Variants in TMEM131 observed in about 807,000 individuals in gnomAD.
TMEM131 encodes 2610524E03Rik.
TMEM131 carries 66 observed loss-of-function variants against 211.6 expected under a neutral mutation model. That is an observed-to-expected ratio of 0.31 (90% CI 0.26 to 0.38). TMEM131 has a LOEUF of 0.38. Ranked by LOEUF, TMEM131 falls within the 10% of genes least tolerant of loss-of-function variation. TMEM131 has a pLI of 1.00. For missense variants in TMEM131, 2,036 were observed against 2,299.3 expected, an observed-to-expected ratio of 0.89 and a Z score of 2.34; for synonymous variants, 844 against 841.3, an observed-to-expected ratio of 1.00 and a Z score of -0.06.
chr2:97,785,338 A>G (rs1391808836), intron 31 of TMEM131, among the ~76,000 whole-genome samples: 2 of 152,354 alleles, frequency 1.3e-5, no homozygotes, highest in Non-Finnish European at 2.9e-5. Flanking sequence ...CAAACAATCC[A>G]ATTAAAACAA....
intron 11 of TMEM131, among the ~76,000 whole-genome samples, chr2:97,831,491 T>C (rs1682685729): frequency 6.6e-6 from 1 of 152,080 alleles, no homozygotes; most frequent in South Asian, 2.1e-4. Flanking sequence ...GTTTGGGCTT[T>C]GGATATTATA....
At chr2:97,800,595 CAA>C (rs3064071) in intron 25 of TMEM131, among the ~76,000 whole-genome samples, 1 of 123,258 alleles carries the variant, frequency 8.1e-6, no homozygotes. Flanking sequence ...ACTAAAAATA[CAA>C]AAAAAAAAAA....
rs765519120 is a variant in TMEM131 at position 97,766,115 on chromosome 2, G to C, written c.4722C>G (p.Ser1574Arg). 1 of 1,613,874 alleles carries C rather than the reference G, an allele frequency of 6.2e-7. No individual in the cohort carries two copies. Among genetic ancestry groups the C allele is most frequent in the Admixed American group, 1.7e-5 (1 of 60,004 alleles). ...TGGTTTCTAAACTACTATACTTACA[G>C]CTGCCAGGTTTGTGAACTGGAACGG... ...WDSVPVHKPG[S>R]STDSLYKLSL... Residue 1574 changes from serine (S) to arginine (R), a missense_variant and splice_region_variant, in exon 35 of 41, where the codon AGC (serine) becomes AGG (arginine). This residue lies in a region of TMEM131 where 1,623 missense variants were observed against 1,805.9 expected (regional missense o/e 0.90). Transcript: ENST00000186436.
rs1003207241 is a variant in TMEM131 at position 97,796,958 on chromosome 2, T to C, written c.2899A>G (p.Met967Val). Residue 967 changes from methionine (M) to valine (V), a missense_variant, in exon 27 of 41, where the codon ATG becomes GTG. This residue lies in a region of TMEM131 where 1,623 missense variants were observed against 1,805.9 expected (regional missense o/e 0.90). Transcript: ENST00000186436. ...RNNLTVMDAV[M>V]VQGQGTTENL... The stretch of plus-strand genomic sequence containing the variant: ...TCAGTTGTTCCTTGTCCTTGGACCA[T>C]CACAGCATCCATCACAGTCAGGTTA... 3.1e-6 allele frequency: 5 copies of C among 1,613,888 alleles called. No homozygotes were observed. Among genetic ancestry groups the C allele is most frequent in the Non-Finnish European group, 2.5e-6 (3 of 1,179,882 alleles).
intron 10 of TMEM131, among the ~76,000 whole-genome samples, chr2:97,833,726 T>C (rs1052983238): frequency 6.6e-6 from 1 of 151,894 alleles, no homozygotes; most frequent in Non-Finnish European, 1.5e-5. Context: ...GGGGCATTCT[T>C]GGCTCACTGC....
chr2:97,926,674 G>T (rs1273848120), intron 2 of TMEM131, among the ~76,000 whole-genome samples: 2 of 152,168 alleles, frequency 1.3e-5, no homozygotes, highest in African/African-American at 4.8e-5. Context: ...CATCTGAGCA[G>T]ATCCAAAGAC....
intron 31 of TMEM131, among the ~76,000 whole-genome samples, chr2:97,791,068 G>C (rs1457638509): frequency 6.6e-6 from 1 of 152,186 alleles, no homozygotes; most frequent in African/African-American, 2.4e-5. Context: ...ATACAGGCTT[G>C]GAATAATGTA....
intron 1 of TMEM131, among the ~76,000 whole-genome samples, chr2:97,958,803 C>G (rs1472756535): frequency 6.6e-6 from 1 of 152,104 alleles, no homozygotes; most frequent in African/African-American, 2.4e-5. Flanking sequence ...AAAGGGACAC[C>G]AACAGAGGGA....
At chr2:97,900,071 TA>T (rs1020349739) in intron 3 of TMEM131, among the ~76,000 whole-genome samples, 1 of 152,102 alleles carries the variant, frequency 6.6e-6, no homozygotes, top group African/African-American at 2.4e-5. Flanking sequence ...TCAGAACACT[TA>T]CATTAGACTA....
chr2:97,979,876 T>C (rs1182219473), intron 1 of TMEM131, among the ~76,000 whole-genome samples: 2 of 152,226 alleles, frequency 1.3e-5, no homozygotes, highest in Admixed American at 6.5e-5. Context: ...CTTTCTCAGC[T>C]TTGACATGCT....
Position 97,995,768 on chromosome 2 carries a change from G to T in TMEM131, c.-106C>A. Reference sequence around the variant, plus strand: ...CCGGGCTCTGGCCGCGGCGCCGGGAGCGACAACGGTTGCGAGCCCGGGGCT... The same window carrying T: ...CCGGGCTCTGGCCGCGGCGCCGGGATCGACAACGGTTGCGAGCCCGGGGCT... On this transcript the variant is annotated 5_prime_UTR_variant, in exon 1 of 41. Coordinates refer to ENST00000186436, the MANE Select transcript of TMEM131 (RefSeq NM_015348.2). The T allele has an allele frequency of 1.1e-6, 1 of 886,078 alleles. No individual in the cohort carries two copies. The highest frequency in any genetic ancestry group is 1.4e-6 in the Non-Finnish European group (1 of 704,856). The allele number at this position is 886,078 out of a possible 1,614,324, so 54.9% of individuals were successfully genotyped here.
chr2:97,844,003 C>CTG, intron 6 of TMEM131, 142 bp downstream of exon 6: 1 of 334,560 alleles, frequency 3.0e-6, no homozygotes, highest in Non-Finnish European at 5.7e-6. Context: ...GAGATATTCA[C>CTG]TGTAAGTATA....
chr2:97,884,645 T>C (rs561726763), intron 4 of TMEM131, among the ~76,000 whole-genome samples: 2 of 152,240 alleles, frequency 1.3e-5, no homozygotes, highest in Admixed American at 1.3e-4. Flanking sequence ...ATTTTCTTGC[T>C]TAACTGATCC....
At chr2:97,987,264 G>C (rs1680066666) in intron 1 of TMEM131, among the ~76,000 whole-genome samples, 2 of 152,196 alleles carry the variant, frequency 1.3e-5, no homozygotes, top group South Asian at 4.1e-4. Context: ...TGTAATCCCA[G>C]CACTTTGGGA....
rs1270125618 is a variant in TMEM131 at position 97,860,594 on chromosome 2, C to T, written c.360-1167G>A. 6.6e-5 allele frequency among the ~76,000 whole-genome samples: 10 copies of T among 152,178 alleles called. 1 individual carries two copies. Among genetic ancestry groups the T allele is most frequent in the Admixed American group, 6.5e-4 (10 of 15,276 alleles). On this transcript the variant is annotated intron_variant, in intron 4 of 40. Transcript: ENST00000186436. The stretch of plus-strand genomic sequence containing the variant: ...GTTCTTCAAGAAGTTCTGTCTCTAC[C>T]TTTTCTTCAATTTAGTTGCTCACCT...
chr2:97,919,596 G>A (rs1676654052), intron 2 of TMEM131, among the ~76,000 whole-genome samples: 1 of 152,098 alleles, frequency 6.6e-6, no homozygotes, highest in African/African-American at 2.4e-5. Context: ...TTGAGATGGA[G>A]TTTCACCTTT....
intron 1 of TMEM131, among the ~76,000 whole-genome samples, chr2:97,939,624 GAAACTATTGCA>G (rs1677624143): frequency 1.3e-5 from 2 of 152,142 alleles, no homozygotes; most frequent in Admixed American, 6.5e-5. Flanking sequence ...CATTCCTTCT[GAAACTATTGCA>G]ATCAACAGAA....
intron 3 of TMEM131, chr2:97,907,140 A>C (rs761193655): frequency 1.3e-5 from 2 of 152,154 alleles, no homozygotes; most frequent in Non-Finnish European, 2.9e-5. Context: ...AGATGTGGTT[A>C]GAGAGTTCTA....
chr2:97,825,567 T>C (rs904243063), intron 11 of TMEM131, among the ~76,000 whole-genome samples: 2 of 152,192 alleles, frequency 1.3e-5, no homozygotes, highest in Non-Finnish European at 2.9e-5. Flanking sequence ...ACTCATCTAG[T>C]AGAATAGGAA....
Sources: allele counts gnomAD v4.1 joint callset (sites outside exome capture counted in the v4.1 genomes callset), GRCh38; gene constraint gnomAD v4.1.1; regional missense constraint gnomAD v4.1.1; transcripts MANE v1.5; gene names NCBI Gene and HGNC (gene_info 2026-07-23, HGNC 2026-07-21).